The following TMPRSS11D variants were observed in gnomAD, a reference collection of about 807,000 sequenced individuals.
TMPRSS11D encodes transmembrane serine protease 11D, also known as transmembrane protease serine 11D.
In TMPRSS11D, 32 loss-of-function variants were observed where a neutral mutation model predicts 44.4. The observed-to-expected ratio is 0.72, with a 90% CI of 0.54 to 0.97. The LOEUF is 0.97. Among genes scored for constraint, TMPRSS11D ranks in the 50% least tolerant of loss-of-function variants. TMPRSS11D has a pLI of 0.00. For synonymous variants in TMPRSS11D, 179 were observed against 177.9 expected (o/e 1.01, Z -0.05); for missense variants, 446 against 502.6 (o/e 0.89, Z 1.08).
At chr4:67,851,027 A>T (rs992151190) in intron 3 of TMPRSS11D, among the ~76,000 whole-genome samples, 3 of 152,132 alleles carry the variant, frequency 2.0e-5, no homozygotes, top group Non-Finnish European at 4.4e-5. Flanking sequence ...CAGGCCTTTG[A>T]CTACCTGCCC....
chr4:67,827,233 T>C, intron 8 of TMPRSS11D, 28 bp downstream of exon 8: 1 of 1,566,246 alleles, frequency 6.4e-7, no homozygotes, highest in Non-Finnish European at 8.6e-7. Flanking sequence ...ACATTTCTAT[T>C]GTTAATTTTT....
intron 5 of TMPRSS11D, among the ~76,000 whole-genome samples, chr4:67,837,357 G>A (rs1201755685): frequency 6.6e-6 from 1 of 152,132 alleles, no homozygotes; most frequent in Admixed American, 6.6e-5. Flanking sequence ...CTCTTTAGCA[G>A]CAGGGGCAGT....
intron 7 of TMPRSS11D, among the ~76,000 whole-genome samples, chr4:67,829,577 A>G (rs1341915330): frequency 6.6e-6 from 1 of 152,006 alleles, no homozygotes; most frequent in African/African-American, 2.4e-5. Context: ...ACCATAGACA[A>G]GTTTACCAGA....
In TMPRSS11D at chr4:67,855,933, A is replaced by G. The variant is rs1373940984; in HGVS notation, c.131-1747T>C. 3.3e-5 allele frequency among the ~76,000 whole-genome samples: 5 copies of G among 152,102 alleles called. No homozygotes were observed. In the East Asian group the frequency reaches 9.6e-4, roughly 29 times the overall value. On this transcript the variant is annotated intron_variant, in intron 2 of 9. Coordinates refer to ENST00000283916, the MANE Select transcript of TMPRSS11D (RefSeq NM_004262.3). ...GAAATAGCTGAGAAAAAAATCAAGA[A>G]GGTAATTCCATCTTCTACAAGGACA... is the stretch of plus-strand genomic sequence containing the variant.
chr4:67,873,471 G>C (rs1046780207), intron 1 of TMPRSS11D, among the ~76,000 whole-genome samples: 1 of 152,142 alleles, frequency 6.6e-6, no homozygotes, highest in Middle Eastern at 3.2e-3. Flanking sequence ...GTAGCTTGTA[G>C]AATGAATGAT....
intron 1 of TMPRSS11D, among the ~76,000 whole-genome samples, chr4:67,862,369 G>T (rs1252963495): frequency 6.6e-6 from 1 of 152,052 alleles, no homozygotes; most frequent in Admixed American, 6.6e-5. Flanking sequence ...TTTGAATAAA[G>T]ACACATGAAC....
chr4:67,861,788 C>A (rs556513391), intron 1 of TMPRSS11D, among the ~76,000 whole-genome samples: 2 of 152,154 alleles, frequency 1.3e-5, no homozygotes, highest in Non-Finnish European at 2.9e-5. Flanking sequence ...AATTACCTTA[C>A]GCTCACAAGC....
rs112121252 is a variant in TMPRSS11D at position 67,830,642 on chromosome 4, C to T, written c.692+2562G>A. Among the ~76,000 whole-genome samples, 12 of 152,140 alleles carry T rather than the reference C, an allele frequency of 7.9e-5. 1 individual carries two copies. The East Asian group carries it at 1.2e-3, about 15-fold the overall frequency. Reference sequence around the variant, plus strand: ...GTTTTTATATTCAACTTCTTTTGCTCGGAGTCTTTACAGTGAAGGTTCTGA... The same window carrying T: ...GTTTTTATATTCAACTTCTTTTGCTTGGAGTCTTTACAGTGAAGGTTCTGA... On this transcript the variant is annotated intron_variant, in intron 7 of 9. Transcript: ENST00000283916.
At chr4:67,835,268 C>T (rs1718049690) in intron 5 of TMPRSS11D, 147 bp from the exon 6 acceptor site, 2 of 667,780 alleles carry the variant, frequency 3.0e-6, no homozygotes, top group South Asian at 1.9e-5. Context: ...GATTCCTAGG[C>T]TTCCTTTCAG....
chr4:67,865,880 G>C (rs1718914286), intron 1 of TMPRSS11D, among the ~76,000 whole-genome samples: 1 of 151,746 alleles, frequency 6.6e-6, no homozygotes, highest in Non-Finnish European at 1.5e-5. Context: ...AAAATCCCAG[G>C]ACCAGATGCA....
At chr4:67,873,729 A>T (rs1337192802) in intron 1 of TMPRSS11D, among the ~76,000 whole-genome samples, 2 of 152,134 alleles carry the variant, frequency 1.3e-5, no homozygotes, top group Non-Finnish European at 2.9e-5. Context: ...GGTGATGTCA[A>T]TGCTATTGGT....
intron 1 of TMPRSS11D, among the ~76,000 whole-genome samples, chr4:67,883,247 G>A (rs7691281): frequency 0.01 from 1,546 of 151,954 alleles, 22 homozygotes; most frequent in African/African-American, 0.035. Context: ...ACACTTAAGT[G>A]CACACATAAA....
chr4:67,861,783 C>T (rs1417228458), intron 1 of TMPRSS11D, among the ~76,000 whole-genome samples: 1 of 152,052 alleles, frequency 6.6e-6, no homozygotes, highest in South Asian at 2.1e-4. Flanking sequence ...GCCCAAATTA[C>T]CTTACGCTCA....
intron 9 of TMPRSS11D, 36 bp downstream of exon 9, chr4:67,825,696 T>A (rs369888633): frequency 5.2e-5 from 84 of 1,608,342 alleles, no homozygotes; most frequent in Non-Finnish European, 6.9e-5. Flanking sequence ...ATACACTTCT[T>A]GGATGATGAC....
chr4:67,835,014 A>G (rs1718041537), intron 6 of TMPRSS11D, 69 bp downstream of exon 6: 1 of 1,433,424 alleles, frequency 7.0e-7, no homozygotes, highest in Non-Finnish European at 9.8e-7. Flanking sequence ...CCAAAAGTAC[A>G]CAAAAGACTT....
intron 7 of TMPRSS11D, among the ~76,000 whole-genome samples, chr4:67,831,963 A>G (rs1445310985): frequency 1.3e-5 from 2 of 152,206 alleles, no homozygotes; most frequent in Non-Finnish European, 2.9e-5. Flanking sequence ...TACGTTTGTA[A>G]CAGTCACTGT....
Position 67,822,387 on chromosome 4 carries a change from T to C in TMPRSS11D, c.1207A>G (p.Thr403Ala), listed in dbSNP as rs1011196166. 3 of 1,613,616 alleles carry C rather than the reference T, an allele frequency of 1.9e-6. No individual in the cohort carries two copies. Among genetic ancestry groups the C allele is most frequent in the Non-Finnish European group, 2.5e-6 (3 of 1,179,844 alleles). The change falls in exon 10 of 10, where the codon ACT becomes GCT. Residue 403 changes from threonine to alanine, a missense_variant. Thr to Ala is a moderately conservative substitution (Grantham distance 58, BLOSUM62 0). Coordinates refer to ENST00000283916, the MANE Select transcript of TMPRSS11D (RefSeq NM_004262.3). ...CAGTCAAGGTAGGCTGTCACTCGAG[T>C]ATACACTCCTGGCTTATCCGGCAGG... ...CGLPDKPGVYTRVTAYLDWIR... is the reference protein window; with the variant it reads ...CGLPDKPGVYARVTAYLDWIR...
chr4:67,883,086 A>T (rs1719360134), intron 1 of TMPRSS11D, among the ~76,000 whole-genome samples: 1 of 151,954 alleles, frequency 6.6e-6, no homozygotes, highest in Non-Finnish European at 1.5e-5. Context: ...TTGACTTTTG[A>T]TTGAATTTTC....
At chr4:67,833,423 C>T in intron 6 of TMPRSS11D, 42 bp from the exon 7 acceptor site, 1 of 1,370,876 alleles carries the variant, frequency 7.3e-7, no homozygotes, top group Non-Finnish European at 9.5e-7. Flanking sequence ...GATCATGATT[C>T]CTTTACATTT....
Sources: allele counts gnomAD v4.1 joint callset (sites outside exome capture counted in the v4.1 genomes callset), GRCh38; gene constraint gnomAD v4.1.1; transcripts MANE v1.5; gene names NCBI Gene and HGNC (gene_info 2026-07-23, HGNC 2026-07-21).